Variants in CACNA1H observed in about 807,000 individuals in gnomAD.
CACNA1H encodes the protein calcium voltage-gated channel subunit alpha1 H.
Under a neutral mutation model 192.5 loss-of-function variants are expected in CACNA1H, and 149 were observed. That is an observed-to-expected ratio of 0.77 (90% CI 0.68 to 0.89). CACNA1H has a LOEUF of 0.89. Ranked by LOEUF, CACNA1H falls within the 40% of genes least tolerant of loss-of-function variation. The probability of loss-of-function intolerance (pLI) is 0.00; values close to 1 mark genes in which losing one functional copy is unlikely to be tolerated. For missense variants in CACNA1H, 4,257 were observed against 3,423.5 expected, an observed-to-expected ratio of 1.24 and a Z score of -6.08; for synonymous variants, 2,202 against 1,475.2, an observed-to-expected ratio of 1.49 and a Z score of -11.29.
chr16:1,208,055 T>C lies in CACNA1H; in HGVS notation c.3197T>C (p.Leu1066Pro), dbSNP rs777282631. 11 of 1,607,228 alleles carry C rather than the reference T, an allele frequency of 6.8e-6. No individual in the cohort carries two copies. Among genetic ancestry groups the C allele is most frequent in the Non-Finnish European group, 9.3e-6 (11 of 1,177,772 alleles). Residue 1066 changes from leucine (L) to proline (P), a missense_variant, in exon 16 of 35, where the codon CTG (leucine) becomes CCG (proline). Transcript: ENST00000348261. Reference protein sequence around the residue: ...CSLAVTPNGHLEGRGSLSPPL... With the variant: ...CSLAVTPNGHPEGRGSLSPPL... ...CTGGCCGTGACCCCCAACGGGCACC[T>C]GGAGGGACGAGGCAGCCTGTCCCCT...
At chr16:1,192,919 G>A (rs189472220) in intron 2 of CACNA1H, among the ~76,000 whole-genome samples, 3 of 152,080 alleles carry the variant, frequency 2.0e-5, no homozygotes, top group Admixed American at 2.0e-4. Context: ...GTGGAGAGAG[G>A]AGACAGAAAG....
chr16:1,206,823 G>C (rs1051904473), intron 12 of CACNA1H, 178 bp from the exon 13 acceptor site: 2 of 594,000 alleles, frequency 3.4e-6, no homozygotes, highest in Non-Finnish European at 6.0e-6. Flanking sequence ...TGTAGGGCAG[G>C]AAGTCCCTTT....
intron 11 of CACNA1H, among the ~76,000 whole-genome samples, chr16:1,205,887 T>TG (rs1294011724): frequency 6.6e-6 from 1 of 152,200 alleles, no homozygotes; most frequent in African/African-American, 2.4e-5. Flanking sequence ...CAGGGGGCAC[T>TG]GGGGGCCGGG....
At chr16:1,202,625 C>T (rs993727711) in intron 9 of CACNA1H, among the ~76,000 whole-genome samples, 173 bp downstream of exon 9, 3 of 152,072 alleles carry the variant, frequency 2.0e-5, no homozygotes, top group Non-Finnish European at 2.9e-5. Context: ...AGAGGCAGGT[C>T]CCGCCCCTGA....
At chr16:1,170,432 G>A (rs539881564) in intron 2 of CACNA1H, among the ~76,000 whole-genome samples, 33 of 152,308 alleles carry the variant, frequency 2.2e-4, no homozygotes, top group Non-Finnish European at 4.4e-4. Context: ...CCGTAAAAGA[G>A]ACTGGGAGAG....
chr16:1,218,641 C>T lies in CACNA1H; in HGVS notation c.5877C>T (p.Gly1959=). 6.5e-7 allele frequency: 1 copy of T among 1,546,896 alleles called. No homozygotes were observed. Among genetic ancestry groups the T allele is most frequent in the Non-Finnish European group, 8.7e-7 (1 of 1,143,914 alleles). ...TGGAGATGGAGACCTATGGGGCCGG[C>T]ACCCCCTTGGGTATGGTAGCCAGCA... ...QEVEMETYGA[G]TPLGSVASVH... is the part of the protein sequence containing the mutation. The change falls in exon 33 of 35, where the codon GGC becomes GGT. Residue 1959 remains glycine, a synonymous_variant. Transcript: ENST00000348261.
chr16:1,210,590 T>C lies in CACNA1H; in HGVS notation c.3977T>C (p.Val1326Ala). Reference protein sequence around the residue: ...PDIDPGSTERVFLSVSNYIFT... With the variant: ...PDIDPGSTERAFLSVSNYIFT... ...ACCGTCCTCTCCCGGCAGGAGCGGG[T>C]CTTCCTCAGCGTCTCCAATTACATC... The change falls in exon 20 of 35, where the codon GTC becomes GCC. Residue 1326 changes from valine to alanine, a missense_variant. Val to Ala is a moderately conservative substitution (Grantham distance 64). Transcript: ENST00000348261. 6.2e-7 allele frequency: 1 copy of C among 1,608,350 alleles called. No individual in the cohort carries two copies.
At position 1,209,109 on chromosome 16, in the gene CACNA1H, C is replaced by T; in HGVS notation, c.3441C>T (p.Ser1147=). The T allele has an allele frequency of 3.2e-6, 5 of 1,556,236 alleles. No individual in the cohort carries two copies. Among genetic ancestry groups the T allele is most frequent in the Non-Finnish European group, 4.3e-6 (5 of 1,152,372 alleles). The change falls in exon 17 of 35, where the codon AGC becomes AGT. Residue 1147 remains serine (S), a synonymous_variant. Transcript: ENST00000348261. The part of the protein sequence containing the change: ...AWSSRRSSWS[S]LGRAPSLKRR... ...GCAGCCGGCGCTCCAGCTGGAGCAG[C>T]CTGGGCCGTGCCCCCAGCCTCAAGC... is the stretch of plus-strand genomic sequence containing the variant.
Position 1,201,688 on chromosome 16 carries a change from T to C in CACNA1H, c.1238T>C (p.Leu413Pro). The C allele has an allele frequency of 1.2e-6, 2 of 1,605,322 alleles. No homozygotes were observed. The highest frequency in any genetic ancestry group is 2.2e-5 in the East Asian group (1 of 44,672). ...IIVGSFFMIN[L>P]CLVVIATQFS... ...GTGGGCTCCTTCTTCATGATCAACC[T>C]GTGCCTGGTGGTGATTGCCACGCAG... The change falls in exon 9 of 35, where the codon CTG becomes CCG. Residue 413 changes from leucine (L) to proline (P), a missense_variant. Leu to Pro is a moderately conservative substitution (Grantham distance 98, BLOSUM62 -3). Transcript: ENST00000348261.
At chr16:1,166,111 A>T (rs1963744971) in intron 2 of CACNA1H, among the ~76,000 whole-genome samples, 1 of 152,164 alleles carries the variant, frequency 6.6e-6, no homozygotes, top group Non-Finnish European at 1.5e-5. Flanking sequence ...GTGTTTTCTC[A>T]CTCAGACTCA....
chr16:1,187,106 G>A (rs960372572), intron 2 of CACNA1H, among the ~76,000 whole-genome samples: 8 of 152,276 alleles, frequency 5.3e-5, no homozygotes, highest in East Asian at 1.9e-4. Context: ...GGCTGATAGC[G>A]CCTGTGGGAA....
chr16:1,183,462 C>T (rs1965676650), intron 2 of CACNA1H, among the ~76,000 whole-genome samples: 1 of 152,192 alleles, frequency 6.6e-6, no homozygotes, highest in Non-Finnish European at 1.5e-5. Context: ...TGGCAGCGGC[C>T]TCCGGGGAAG....
In CACNA1H at chr16:1,216,741, G is replaced by C. The variant is rs72552047; in HGVS notation, c.5245-191G>C. 0.012 allele frequency among the ~76,000 whole-genome samples: 1,752 copies of C among 152,328 alleles called. 38 individuals are homozygous for C. The highest frequency in any genetic ancestry group is 0.042 in the Admixed American group (645 of 15,302). On this transcript the variant is annotated intron_variant, in intron 30 of 34. Transcript: ENST00000348261. ...ACCTGGTGAGGTCATGGTGCCCCGAGAGGGGCATGGGGCTGAGGAACAGGG... is the reference window on the plus strand; with the variant it reads ...ACCTGGTGAGGTCATGGTGCCCCGACAGGGGCATGGGGCTGAGGAACAGGG...
At chr16:1,212,296 C>A in intron 25 of CACNA1H, 158 bp downstream of exon 25, 1 of 1,227,708 alleles carries the variant, frequency 8.1e-7, no homozygotes, top group Non-Finnish European at 1.1e-6. Flanking sequence ...GAGGGGCTGG[C>A]CCGAGAGGGC....
rs1301892178 is a variant in CACNA1H at position 1,211,799 on chromosome 16, C to A, written c.4560C>A (p.Asp1520Glu). 1 of 1,612,470 alleles carries A rather than the reference C, an allele frequency of 6.2e-7. No homozygotes were observed. Among genetic ancestry groups the A allele is most frequent in the Non-Finnish European group, 8.5e-7 (1 of 1,179,698 alleles). The change falls in exon 24 of 35, where the codon GAC (aspartate) becomes GAA (glutamate). Residue 1520 changes from aspartate (D) to glutamate (E), a missense_variant. Physicochemically the swap from Asp to Glu is conservative, Grantham distance 45. Coordinates refer to ENST00000348261, the MANE Select transcript of CACNA1H (RefSeq NM_021098.3). ...MYDGLDAVGV[D>E]QQPVQNHNPW... is the part of the protein sequence containing the mutation. ...ACGGGCTGGATGCCGTGGGTGTCGA[C>A]CAGCAGGTGCGCACAGGCGGGTCGA... is the stretch of plus-strand genomic sequence containing the variant.
At position 1,206,147 on chromosome 16, in the gene CACNA1H, C is replaced by G; in HGVS notation, c.2647C>G (p.Leu883Val). The G allele has an allele frequency of 6.3e-7, 1 of 1,586,788 alleles. No individual in the cohort carries two copies. Among genetic ancestry groups the G allele is most frequent in the Non-Finnish European group, 8.6e-7 (1 of 1,168,782 alleles). ...GCAGGCGGACGGTGGCTTGTCTGTG[C>G]TGCGCACCTTCCGGCTGCTGCGTGT... ...VGQADGGLSVLRTFRLLRVLK... is the reference protein window; with the variant it reads ...VGQADGGLSVVRTFRLLRVLK... Residue 883 changes from leucine (L) to valine (V), a missense_variant, in exon 12 of 35, where the codon CTG becomes GTG. Transcript: ENST00000348261.
chr16:1,164,000 G>A (rs960329383), intron 2 of CACNA1H, among the ~76,000 whole-genome samples: 8 of 152,188 alleles, frequency 5.3e-5, no homozygotes, highest in Non-Finnish European at 1.0e-4. Flanking sequence ...TGCCCCAGCC[G>A]AGGAGCAGCC....
chr16:1,184,410 G>T (rs1195643549), intron 2 of CACNA1H, among the ~76,000 whole-genome samples: 1 of 152,254 alleles, frequency 6.6e-6, no homozygotes, highest in Non-Finnish European at 1.5e-5. Flanking sequence ...CTTGGCCTGG[G>T]CACCTGCACA....
At chr16:1,187,884 A>C (rs374924918) in intron 2 of CACNA1H, among the ~76,000 whole-genome samples, 2 of 152,080 alleles carry the variant, frequency 1.3e-5, no homozygotes, top group African/African-American at 4.8e-5. Flanking sequence ...CTCTGTAGAA[A>C]CATCTGTCCT....
Sources: allele counts gnomAD v4.1 joint callset (sites outside exome capture counted in the v4.1 genomes callset), GRCh38; gene constraint gnomAD v4.1.1; transcripts MANE v1.5; gene names NCBI Gene and HGNC (gene_info 2026-07-23, HGNC 2026-07-21).